The following NCAPG variants were observed in gnomAD, a reference collection of about 807,000 sequenced individuals.
NCAPG encodes the protein non-SMC condensin I complex subunit G.
A neutral mutation model predicts 113.1 loss-of-function variants in NCAPG; 69 were observed. The ratio of observed to expected loss-of-function variants is 0.61; its 90% CI spans 0.50 to 0.75. The LOEUF (loss-of-function observed/expected upper bound fraction) is 0.75, where lower values mean the gene tolerates loss of function less well. Among genes scored for constraint, NCAPG ranks in the 30% least tolerant of loss-of-function variants. NCAPG has a pLI of 0.00. For missense variants in NCAPG, 1,058 were observed against 1,177.0 expected, an observed-to-expected ratio of 0.90 and a Z score of 1.48; for synonymous variants, 370 against 415.8, an observed-to-expected ratio of 0.89 and a Z score of 1.34.
chr4:17,817,205 A>G (rs1307418041), intron 5 of NCAPG, 56 bp from the exon 6 acceptor site: 10 of 1,291,194 alleles, frequency 7.7e-6, no homozygotes, highest in Non-Finnish European at 1.1e-5. Context: ...GACAAAATAC[A>G]AGAGATGGAA....
intron 11 of NCAPG, among the ~76,000 whole-genome samples, chr4:17,827,272 T>C (rs1721688988): frequency 6.6e-6 from 1 of 152,202 alleles, no homozygotes; most frequent in Admixed American, 6.5e-5. Context: ...TATTAAAAAT[T>C]TTGTATTCTA....
intron 19 of NCAPG, chr4:17,841,210 TTTTA>T (rs1366401647): frequency 2.0e-5 from 3 of 151,970 alleles, no homozygotes; most frequent in Non-Finnish European, 4.4e-5. Flanking sequence ...CTTTTTATTG[TTTTA>T]TTATTTCCTC....
chr4:17,828,806 A>T (rs1235051327), intron 12 of NCAPG, among the ~76,000 whole-genome samples: 1 of 152,086 alleles, frequency 6.6e-6, no homozygotes, highest in Non-Finnish European at 1.5e-5. Context: ...AACCCTTTGT[A>T]GGTAATTCCC....
intron 5 of NCAPG, 96 bp from the exon 6 acceptor site, chr4:17,817,165 T>C: frequency 1.2e-6 from 1 of 838,242 alleles, no homozygotes; most frequent in South Asian, 1.7e-5. Flanking sequence ...ACTATTTCTA[T>C]TGTAAATACT....
chr4:17,820,271 C>G (rs1560224446), intron 7 of NCAPG, among the ~76,000 whole-genome samples: 2 of 152,078 alleles, frequency 1.3e-5, no homozygotes, highest in Non-Finnish European at 2.9e-5. Context: ...AAATAAGTAA[C>G]TTTAACCTCT....
In NCAPG at chr4:17,811,069, T is replaced by C; in HGVS notation, c.-9T>C. ...CGGGCAGGACTCGTCCCGGCAGGGTTCCAGAGCCATGGGAGCGGAAAGGAG... is the reference window on the plus strand; with the variant it reads ...CGGGCAGGACTCGTCCCGGCAGGGTCCCAGAGCCATGGGAGCGGAAAGGAG... On this transcript the variant is annotated 5_prime_UTR_variant, in exon 1 of 21. Transcript: ENST00000251496. This position sits in a 1 kb window ranked among gnomAD's most constrained non-coding sequence, Gnocchi z 5.3. 1 of 1,488,282 alleles carries C rather than the reference T, an allele frequency of 6.7e-7. No homozygotes were observed. Among genetic ancestry groups the C allele is most frequent in the Non-Finnish European group, 9.0e-7 (1 of 1,114,022 alleles). 92.2% of individuals were successfully genotyped at this position (1,488,282 alleles called of 1,614,324 possible). A position where few individuals can be genotyped will look rare whatever the true frequency, so the allele number is the denominator to read the frequency against.
chr4:17,840,071 C>A lies in NCAPG; in HGVS notation c.2629C>A (p.Gln877Lys). The change falls in exon 18 of 21, where the codon CAA becomes AAA. Residue 877 changes from glutamine to lysine, a missense_variant and splice_region_variant. Gln to Lys is a moderately conservative substitution (Grantham distance 53). Transcript: ENST00000251496. ...ATGTTAATAATGTTTTCTTTTATAG[C>A]AAGTAAAAGATAGGACATGTCTGAG... is the stretch of plus-strand genomic sequence containing the variant. ...LLVLLNEILE[Q>K]VKDRTCLRAL... 1 of 1,589,230 alleles carries A rather than the reference C, an allele frequency of 6.3e-7. No individual in the cohort carries two copies. Among genetic ancestry groups the A allele is most frequent in the African/African-American group, 1.4e-5 (1 of 73,236 alleles).
intron 13 of NCAPG, among the ~76,000 whole-genome samples, chr4:17,833,485 TTTG>T (rs11431250): frequency 4.6e-4 from 69 of 148,448 alleles, no homozygotes; most frequent in Admixed American, 1.5e-3. Flanking sequence ...TATATATATT[TTTG>T]TTGTTGTTGT....
At chr4:17,815,982 C>T (rs112567242) in intron 5 of NCAPG, among the ~76,000 whole-genome samples, 4 of 151,816 alleles carry the variant, frequency 2.6e-5, no homozygotes, top group Non-Finnish European at 5.9e-5. Context: ...AAATGCTGTT[C>T]CTTATGTGTA....
intron 9 of NCAPG, among the ~76,000 whole-genome samples, chr4:17,824,504 A>G (rs1216537111): frequency 6.6e-6 from 1 of 152,100 alleles, no homozygotes; most frequent in African/African-American, 2.4e-5. Flanking sequence ...CAATTCCAAT[A>G]TACAAGTGGT....
At chr4:17,818,256 T>G (rs1343668558) in intron 7 of NCAPG, among the ~76,000 whole-genome samples, 168 bp downstream of exon 7, 2 of 152,206 alleles carry the variant, frequency 1.3e-5, no homozygotes, top group Non-Finnish European at 2.9e-5. Flanking sequence ...CTTGTGCTGG[T>G]CTGTATACTG....
chr4:17,828,407 G>A lies in NCAPG; in HGVS notation c.1764+19G>A, dbSNP rs760449518. 1 of 1,480,974 alleles carries A rather than the reference G, an allele frequency of 6.8e-7. No individual in the cohort carries two copies. Among genetic ancestry groups the A allele is most frequent in the Non-Finnish European group, 9.3e-7 (1 of 1,072,138 alleles). The allele number at this position is 1,480,974 out of a possible 1,614,324, so 91.7% of individuals were successfully genotyped here. On this transcript the variant is annotated intron_variant, in intron 12 of 20. Coordinates refer to ENST00000251496, the MANE Select transcript of NCAPG (RefSeq NM_022346.5). ...ATCTTTGGTATGTTGATGGCCTCTT[G>A]GGCTTTATTTTAGTCCACTCCTTTC...
At chr4:17,829,777 C>T (rs1028712384) in intron 12 of NCAPG, among the ~76,000 whole-genome samples, 1 of 152,188 alleles carries the variant, frequency 6.6e-6, no homozygotes, top group Non-Finnish European at 1.5e-5. Context: ...ACATCTATTA[C>T]ATACTAAGTG....
In NCAPG at chr4:17,833,576, A is replaced by G. The variant is rs1721964854; in HGVS notation, c.1885-723A>G. ...TAGACATTTTTATTTTACTTTTTTA[A>G]TATCTTAATTAAATCCTAACTTTCA... On this transcript the variant is annotated intron_variant, in intron 13 of 20. Coordinates refer to ENST00000251496, the MANE Select transcript of NCAPG (RefSeq NM_022346.5). 2.0e-5 allele frequency among the ~76,000 whole-genome samples: 3 copies of G among 150,626 alleles called. No homozygotes were observed. The South Asian group carries it at 6.3e-4, about 31-fold the overall frequency.
Position 17,817,308 on chromosome 4 carries a change from C to G in NCAPG, c.823C>G (p.Arg275Gly). 1 of 1,614,012 alleles carries G rather than the reference C, an allele frequency of 6.2e-7. No homozygotes were observed. The highest frequency in any genetic ancestry group is 8.5e-7 in the Non-Finnish European group (1 of 1,179,938). ...GAAGCATCTTCTTCAAGGCTGGTTACGGTTCTCTGAAGGAAATATCTTAGA... is the reference window on the plus strand; with the variant it reads ...GAAGCATCTTCTTCAAGGCTGGTTAGGGTTCTCTGAAGGAAATATCTTAGA... ...MQKHLLQGWL[R>G]FSEGNILELL... Residue 275 changes from arginine to glycine, a missense_variant, in exon 6 of 21, where the codon CGG (arginine) becomes GGG (glycine). By Grantham distance (125) the Arg-to-Gly change is moderately radical. Coordinates refer to ENST00000251496, the MANE Select transcript of NCAPG (RefSeq NM_022346.5).
intron 10 of NCAPG, 52 bp from the exon 11 acceptor site, chr4:17,825,330 T>A (rs777020618): frequency 1.4e-6 from 2 of 1,441,514 alleles, no homozygotes; most frequent in Non-Finnish European, 1.9e-6. Flanking sequence ...GCTACAGATA[T>A]TCATATTAAC....
chr4:17,834,238 T>TTTAAAAAAAAA, intron 13 of NCAPG, 61 bp from the exon 14 acceptor site: 1 of 1,108,332 alleles, frequency 9.0e-7, no homozygotes, highest in Non-Finnish European at 1.2e-6. Flanking sequence ...TAATTTTATG[T>TTTAAAAAAAAA]AAACAGAAAC....
intron 16 of NCAPG, 145 bp downstream of exon 16, chr4:17,837,946 C>A: frequency 1.2e-6 from 1 of 830,696 alleles, no homozygotes; most frequent in Non-Finnish European, 1.9e-6. Flanking sequence ...GAAACATGAC[C>A]TTGGGAAATG....
chr4:17,841,994 T>TA (rs1722457473), intron 19 of NCAPG: 1 of 230,290 alleles, frequency 4.3e-6, no homozygotes, highest in Non-Finnish European at 8.7e-6. Context: ...TAGAGGTACT[T>TA]CATTATAACA....
Sources: gnomAD v4.1 joint callset for allele counts (sites outside exome capture counted in the v4.1 genomes callset) on GRCh38, gnomAD v4.1.1 for gene constraint, Gnocchi (gnomAD v3.1) non-coding constraint, MANE v1.5 for transcripts, NCBI Gene and HGNC (gene_info 2026-07-23, HGNC 2026-07-21) for gene names.